The following STK32C variants were observed in gnomAD, a reference collection of about 807,000 sequenced individuals.
The protein encoded by STK32C is serine/threonine-protein kinase 32C.
In STK32C, 31 loss-of-function variants were observed where a neutral mutation model predicts 56.5. The ratio of observed to expected loss-of-function variants is 0.55; its 90% CI spans 0.41 to 0.74. The LOEUF (loss-of-function observed/expected upper bound fraction) is 0.74, where lower values mean the gene tolerates loss of function less well. STK32C is among the 30% of genes least tolerant of loss of function. The probability of loss-of-function intolerance (pLI) is 0.00; values close to 1 mark genes in which losing one functional copy is unlikely to be tolerated. For synonymous variants in STK32C, 309 were observed against 289.4 expected (o/e 1.07, Z -0.69); for missense variants, 544 against 676.9 (o/e 0.80, Z 2.18).
intron 1 of STK32C, among the ~76,000 whole-genome samples, chr10:132,302,132 AC>A (rs2065928184): frequency 6.6e-6 from 1 of 152,150 alleles, no homozygotes; most frequent in South Asian, 2.1e-4. Context: ...TGTGGAAGAA[AC>A]ACTTGTCTGT....
At chr10:132,297,978 G>A (rs1199471061) in intron 1 of STK32C, among the ~76,000 whole-genome samples, 2 of 152,240 alleles carry the variant, frequency 1.3e-5, no homozygotes, top group African/African-American at 2.4e-5. Context: ...GGTGCTCTGC[G>A]GCAGCAACCC....
downstream of STK32C, among the ~76,000 whole-genome samples, chr10:132,322,018 A>G (rs756870677): frequency 3.3e-4 from 50 of 152,146 alleles, no homozygotes; most frequent in Non-Finnish European, 2.6e-4. Flanking sequence ...GATATTGACG[A>G]ACACCCTCTC....
At chr10:132,278,089 C>T (rs1418527970) in intron 1 of STK32C, among the ~76,000 whole-genome samples, 3 of 152,194 alleles carry the variant, frequency 2.0e-5, no homozygotes, top group African/African-American at 7.2e-5. Context: ...TGAAGACCCC[C>T]TGGGAACCCA....
chr10:132,249,236 AGGGTGGGGCTGT>A, intron 1 of STK32C: 1 of 330,088 alleles, frequency 3.0e-6, no homozygotes, highest in Non-Finnish European at 5.9e-6. Flanking sequence ...AGTGGGGCTG[AGGGTGGGGCTGT>A]GGGGTTAGGG....
intron 10 of STK32C, among the ~76,000 whole-genome samples, chr10:132,220,323 G>A (rs2062597132): frequency 6.6e-6 from 1 of 152,358 alleles, no homozygotes; most frequent in Admixed American, 6.5e-5. Flanking sequence ...GGCAAGGACT[G>A]GTTTTCCTCC....
At chr10:132,302,333 G>A (rs1268205941) in intron 1 of STK32C, among the ~76,000 whole-genome samples, 4 of 152,222 alleles carry the variant, frequency 2.6e-5, no homozygotes, top group African/African-American at 4.8e-5. Context: ...GGATAGACAC[G>A]CAGAGCTGAC....
intron 1 of STK32C, among the ~76,000 whole-genome samples, chr10:132,317,967 C>CAAAAAA (rs1223040750): frequency 1.8e-5 from 1 of 55,572 alleles, no homozygotes; most frequent in Non-Finnish European, 3.8e-5. Flanking sequence ...GACTCTGTCT[C>CAAAAAA]AAAAAAAAAA....
intron 2 of STK32C, among the ~76,000 whole-genome samples, chr10:132,234,772 G>A (rs2063217767): frequency 6.6e-6 from 1 of 152,240 alleles, no homozygotes; most frequent in Non-Finnish European, 1.5e-5. Flanking sequence ...GGCCTTGGGG[G>A]TTGGAGGTCA....
At chr10:132,225,900 G>C (rs2062872528) in intron 4 of STK32C, 116 bp from the exon 5 acceptor site, 1 of 1,360,888 alleles carries the variant, frequency 7.3e-7, no homozygotes, top group Non-Finnish European at 1.0e-6. Context: ...TCGAGGCAGA[G>C]GCCTGGGAGC....
chr10:132,244,291 C>G (rs2063607182), intron 2 of STK32C, among the ~76,000 whole-genome samples: 1 of 152,340 alleles, frequency 6.6e-6, no homozygotes, highest in East Asian at 1.9e-4. Context: ...CGCTCCTGTT[C>G]CCCGCATTCC....
In STK32C at chr10:132,315,165, C is replaced by T. The variant is rs534179032; in HGVS notation, c.301+16271G>A. ...AAAAAGAATAAGTTCATGTCCTTTG[C>T]AGGGACATGGATGAAGCTGGAATCC... On this transcript the variant is annotated intron_variant, in intron 1 of 3. Transcript: ENST00000368620. 9.9e-5 allele frequency among the ~76,000 whole-genome samples: 15 copies of T among 152,172 alleles called. No individual in the cohort carries two copies. In the South Asian group the frequency reaches 3.1e-3, roughly 32 times the overall value.
chr10:132,289,689 C>T (rs2065509561), intron 1 of STK32C, among the ~76,000 whole-genome samples: 1 of 152,232 alleles, frequency 6.6e-6, no homozygotes, highest in South Asian at 2.1e-4. Context: ...TGTCTTCTCT[C>T]CATGTTCTCA....
At chr10:132,246,128 G>A (rs2063681088) in intron 1 of STK32C, among the ~76,000 whole-genome samples, 173 bp from the exon 2 acceptor site, 1 of 152,226 alleles carries the variant, frequency 6.6e-6, no homozygotes, top group South Asian at 2.1e-4. Context: ...GGAGGGGGCT[G>A]AGCCCCGGTC....
intron 10 of STK32C, among the ~76,000 whole-genome samples, chr10:132,216,467 C>CAAAAAAAAAA (rs35942990): frequency 8.2e-6 from 1 of 121,418 alleles, no homozygotes. Context: ...AAGACTGTCT[C>CAAAAAAAAAA]AAAAAAAAAA....
In STK32C at chr10:132,255,976, G is replaced by A. The variant is rs970590878; in HGVS notation, c.263-10021C>T. Among the ~76,000 whole-genome samples, 4 of 152,202 alleles carry A rather than the reference G, an allele frequency of 2.6e-5. No homozygotes were observed. Among genetic ancestry groups the A allele is most frequent in the Non-Finnish European group, 5.9e-5 (4 of 68,022 alleles). On this transcript the variant is annotated intron_variant, in intron 1 of 11. Transcript: ENST00000298630. The surrounding 1 kb of genome is among the most constrained non-coding windows in gnomAD (Gnocchi z 4.6). ...CCTGGTGTCCAGCTTGGACTCGCCC[G>A]GGTGGCTTGGCGGCTTCCCGGCATC...
intron 3 of STK32C, 111 bp downstream of exon 3, chr10:132,227,866 G>A (rs1170737820): frequency 2.1e-5 from 28 of 1,358,216 alleles, no homozygotes; most frequent in African/African-American, 4.3e-5. Flanking sequence ...GGTGGCAGAG[G>A]CATCTCCGAG....
At chr10:132,297,247 C>A (rs2065776456) in intron 1 of STK32C, among the ~76,000 whole-genome samples, 1 of 152,224 alleles carries the variant, frequency 6.6e-6, no homozygotes. Context: ...CATGCCCCAG[C>A]CCCTCCTCCG....
intron 1 of STK32C, among the ~76,000 whole-genome samples, chr10:132,271,164 C>G (rs1224060071): frequency 6.6e-6 from 1 of 152,156 alleles, no homozygotes; most frequent in African/African-American, 2.4e-5. Flanking sequence ...TTCCATTCAG[C>G]AGCCGGCACC....
chr10:132,272,958 G>A (rs1262545117), intron 1 of STK32C, among the ~76,000 whole-genome samples: 2 of 152,170 alleles, frequency 1.3e-5, no homozygotes, highest in African/African-American at 4.8e-5. Flanking sequence ...TGCACCAACA[G>A]CTCCCTCTGC....
Sources: allele counts gnomAD v4.1 joint callset (sites outside exome capture counted in the v4.1 genomes callset), GRCh38; gene constraint gnomAD v4.1.1; non-coding constraint Gnocchi (gnomAD v3.1); transcripts MANE v1.5; gene names NCBI Gene and HGNC (gene_info 2026-07-23, HGNC 2026-07-21).